The following FLT3 variants were observed in gnomAD, a reference collection of about 807,000 sequenced individuals.
The protein encoded by FLT3 is fms related receptor tyrosine kinase 3, also known as receptor-type tyrosine-protein kinase FLT3.
A neutral mutation model predicts 126.6 loss-of-function variants in FLT3; 46 were observed. The ratio of observed to expected loss-of-function variants is 0.36; its 90% confidence interval spans 0.29 to 0.46. The LOEUF (loss-of-function observed/expected upper bound fraction) is 0.46. Ranked by LOEUF, FLT3 falls within the 20% of genes least tolerant of loss-of-function variation. The pLI is 1.00. For synonymous variants in FLT3, 404 were observed against 434.4 expected (o/e 0.93, Z 0.87); for missense variants, 1,069 against 1,190.3 (o/e 0.90, Z 1.50).
intron 3 of FLT3, among the ~76,000 whole-genome samples, chr13:28,057,749 C>T (rs1451453174): frequency 6.6e-6 from 1 of 152,154 alleles, no homozygotes; most frequent in Non-Finnish European, 1.5e-5. Flanking sequence ...CATCTAAAAA[C>T]ACACAGGAGG....
chr13:28,076,540 GGCT>G (rs1383063011), intron 1 of FLT3, among the ~76,000 whole-genome samples: 1 of 152,202 alleles, frequency 6.6e-6, no homozygotes, highest in Non-Finnish European at 1.5e-5. Flanking sequence ...GCCCCCAGAA[GGCT>G]GCTGGTGCAA....
At chr13:28,085,007 G>T (rs1334765531) in intron 1 of FLT3, among the ~76,000 whole-genome samples, 1 of 147,398 alleles carries the variant, frequency 6.8e-6, no homozygotes, top group Non-Finnish European at 1.5e-5. Context: ...ACTGACACTT[G>T]TTTTATGGTT....
intron 2 of FLT3, among the ~76,000 whole-genome samples, chr13:28,067,184 G>A (rs953865479): frequency 3.9e-4 from 7 of 17,948 alleles, no homozygotes; most frequent in African/African-American, 1.5e-3. Context: ...CACCACGCCT[G>A]GTTTATTTTG....
intron 17 of FLT3, among the ~76,000 whole-genome samples, chr13:28,026,687 C>T (rs557507035): frequency 6.6e-6 from 1 of 152,290 alleles, no homozygotes; most frequent in Admixed American, 6.5e-5. Flanking sequence ...TTGAGTTCAG[C>T]GTTCTTTTGC....
chr13:28,027,200 G>A lies in FLT3; in HGVS notation c.2095C>T (p.Leu699Phe), dbSNP rs2137652358. The change falls in exon 17 of 24, where the codon CTT becomes TTT. Residue 699 changes from leucine to phenylalanine, a missense_variant. Coordinates refer to ENST00000241453, the MANE Select transcript of FLT3 (RefSeq NM_004119.3). ...CTTTTACTTCTTAGATAGTTGAGAAGATCACCATAGCAACAGTATTCAAAA... is the reference window on the plus strand; with the variant it reads ...CTTTTACTTCTTAGATAGTTGAGAAAATCACCATAGCAACAGTATTCAAAA... Reference protein sequence around the residue: ...LIFEYCCYGDLLNYLRSKREK... With the variant: ...LIFEYCCYGDFLNYLRSKREK... The A allele has an allele frequency of 6.2e-7, 1 of 1,612,346 alleles. No homozygotes were observed. The highest frequency in any genetic ancestry group is 8.5e-7 in the Non-Finnish European group (1 of 1,178,432).
intron 2 of FLT3, among the ~76,000 whole-genome samples, chr13:28,063,163 C>T (rs901614621): frequency 6.6e-6 from 1 of 152,160 alleles, no homozygotes; most frequent in African/African-American, 2.4e-5. Context: ...TGCCACCACA[C>T]TTCTTGCCTG....
chr13:28,028,084 T>G, intron 16 of FLT3, 94 bp downstream of exon 16: 1 of 623,632 alleles, frequency 1.6e-6, no homozygotes, highest in Non-Finnish European at 2.8e-6. Flanking sequence ...AGACAAAGAA[T>G]TAAAAAGAGA....
chr13:28,029,962 C>G (rs577033395), intron 15 of FLT3, among the ~76,000 whole-genome samples: 2 of 152,166 alleles, frequency 1.3e-5, no homozygotes, highest in African/African-American at 4.8e-5. Context: ...CAGGGCAGCC[C>G]GGGCAGCCAC....
chr13:28,079,237 A>G (rs747071377), intron 1 of FLT3, among the ~76,000 whole-genome samples: 8 of 152,212 alleles, frequency 5.3e-5, no homozygotes, highest in African/African-American at 9.6e-5. Context: ...TTGCTAAAAC[A>G]TAACAAGAGT....
chr13:28,069,997 C>T (rs577445032), intron 2 of FLT3, among the ~76,000 whole-genome samples: 7 of 152,196 alleles, frequency 4.6e-5, no homozygotes, highest in South Asian at 4.2e-4. Context: ...TGCCTTTAGT[C>T]CCAGCTAGTT....
Position 28,050,163 on chromosome 13 carries a change from A to G in FLT3, c.674T>C (p.Phe225Ser), listed in dbSNP as rs1164308958. Residue 225 changes from phenylalanine (F) to serine (S), a missense_variant, in exon 6 of 24, where the codon TTT (phenylalanine) becomes TCT (serine). Transcript: ENST00000241453. ...KKEEKVLHEL[F>S]GTDIRCCARN... ...GGCACAGCACCTTATGTCCGTCCCAAATAATTCATGAAGCACTTTTTCCTC... is the reference window on the plus strand; with the variant it reads ...GGCACAGCACCTTATGTCCGTCCCAGATAATTCATGAAGCACTTTTTCCTC... 1.2e-6 allele frequency: 2 copies of G among 1,613,980 alleles called. No individual in the cohort carries two copies. Among genetic ancestry groups the G allele is most frequent in the Non-Finnish European group, 1.7e-6 (2 of 1,179,968 alleles).
In FLT3 at chr13:28,024,895, G is replaced by T. The variant is rs746477559; in HGVS notation, c.2256C>A (p.Ile752=). ...GAAATGAATTCCCATGAAGCCCTGA[G>T]ATTTGATCCGAGTCCGGGTGTATCT... ...EVQIHPDSDQ[I]SGLHGNSFHS... The change falls in exon 18 of 24, where the codon ATC becomes ATA. Residue 752 remains isoleucine (I), a synonymous_variant. Coordinates refer to ENST00000241453, the MANE Select transcript of FLT3 (RefSeq NM_004119.3). The T allele has an allele frequency of 1.2e-6, 2 of 1,612,106 alleles. No individual in the cohort carries two copies. The highest frequency in any genetic ancestry group is 1.3e-5 in the African/African-American group (1 of 74,908).
intron 21 of FLT3, 146 bp from the exon 22 acceptor site, chr13:28,015,402 T>C (rs1871751457): frequency 1.4e-6 from 1 of 734,570 alleles, no homozygotes; most frequent in African/African-American, 1.8e-5. Flanking sequence ...GAAGTCACGG[T>C]TCACGCTCTC....
intron 1 of FLT3, among the ~76,000 whole-genome samples, chr13:28,084,646 T>C (rs1042627455): frequency 6.6e-6 from 1 of 152,202 alleles, no homozygotes; most frequent in African/African-American, 2.4e-5. Flanking sequence ...TTAATGCTAT[T>C]GTAGTCAGAA....
chr13:28,023,601 T>C lies in FLT3; in HGVS notation c.2291-124A>G, dbSNP rs28624847. The C allele has an allele frequency of 2.9e-3, 3,025 of 1,034,470 alleles. 69 individuals carry two copies. The African/African-American group carries it at 0.044, about 15-fold the overall frequency. The allele number at this position is 1,034,470 out of a possible 1,614,324, so 64.1% of individuals were successfully genotyped here. A position where few individuals can be genotyped will look rare whatever the true frequency, so the allele number is the denominator to read the frequency against. On this transcript the variant is annotated intron_variant, in intron 18 of 23. Coordinates refer to ENST00000241453, the MANE Select transcript of FLT3 (RefSeq NM_004119.3). ...GCTAAGACATGAAGCTATCGCATTA[T>C]CTTCCCGGCAGCATTAGAGATGACC...
chr13:28,062,819 C>A (rs1318209850), intron 2 of FLT3, among the ~76,000 whole-genome samples: 2 of 150,556 alleles, frequency 1.3e-5, no homozygotes, highest in Admixed American at 6.6e-5. Context: ...GAAAGACAGC[C>A]ATCTTCCAAC....
intron 1 of FLT3, among the ~76,000 whole-genome samples, chr13:28,077,678 C>T (rs2137803450): frequency 6.6e-6 from 1 of 152,268 alleles, no homozygotes; most frequent in Non-Finnish European, 1.5e-5. Context: ...ATCAATCATG[C>T]CTTCCCAACA....
intron 3 of FLT3, among the ~76,000 whole-genome samples, chr13:28,060,143 C>T (rs971588258): frequency 6.6e-6 from 1 of 151,032 alleles, no homozygotes; most frequent in African/African-American, 2.4e-5. Context: ...GCCTGTAATC[C>T]CAGCACTTTG....
Position 28,015,149 on chromosome 13 carries a change from G to T in FLT3, c.2753+8C>A, listed in dbSNP as rs949765528. 12 of 1,534,324 alleles carry T rather than the reference G, an allele frequency of 7.8e-6. No individual in the cohort carries two copies. The highest frequency in any genetic ancestry group is 1.7e-4 in the Middle Eastern group (1 of 5,812). On this transcript the variant is annotated splice_region_variant and intron_variant, in intron 22 of 23. Coordinates refer to ENST00000241453, the MANE Select transcript of FLT3 (RefSeq NM_004119.3). ...TTTCAACCAAATTACAGTCTGACTT[G>T]AACTTACATTTCTTCTGTAGCATAA...
Sources: gnomAD v4.1 joint callset for allele counts (sites outside exome capture counted in the v4.1 genomes callset) on GRCh38, gnomAD v4.1.1 for gene constraint, MANE v1.5 for transcripts, NCBI Gene and HGNC (gene_info 2026-07-23, HGNC 2026-07-21) for gene names.